Variants in SNX29 observed in about 807,000 individuals in gnomAD.
SNX29 encodes sorting nexin-29.
A neutral mutation model predicts 102.1 loss-of-function variants in SNX29; 78 were observed. The ratio of observed to expected loss-of-function variants is 0.76; its 90% CI spans 0.64 to 0.92. The LOEUF (loss-of-function observed/expected upper bound fraction) is 0.92, where lower values mean the gene tolerates loss of function less well. SNX29 is among the 40% of genes least tolerant of loss of function. SNX29 has a pLI of 0.00. For missense variants in SNX29, 1,280 were observed against 1,061.7 expected (o/e 1.21, Z -2.86); for synonymous variants, 580 against 414.5 (o/e 1.40, Z -4.85).
chr16:12,220,634 C>T (rs903301695), intron 14 of SNX29, among the ~76,000 whole-genome samples: 2 of 152,120 alleles, frequency 1.3e-5, no homozygotes, highest in Non-Finnish European at 2.9e-5. Flanking sequence ...CTGGATTCTG[C>T]CTTTAAAGGG....
intron 16 of SNX29, 39 bp downstream of exon 16, chr16:12,356,318 T>C (rs1196476318): frequency 1.3e-6 from 2 of 1,531,772 alleles, no homozygotes; most frequent in Middle Eastern, 2.0e-4. Flanking sequence ...GTCAAGCCTC[T>C]GCTGCCCACA....
At chr16:12,561,295 C>G (rs1300951453) in intron 20 of SNX29, 4 of 230,790 alleles carry the variant, frequency 1.7e-5, no homozygotes, top group African/African-American at 8.9e-5. Flanking sequence ...GAACATTCTC[C>G]ATGATCTTCA....
chr16:12,016,237 C>T (rs1371294697), intron 3 of SNX29, among the ~76,000 whole-genome samples: 2 of 152,272 alleles, frequency 1.3e-5, no homozygotes, highest in Non-Finnish European at 2.9e-5. Context: ...CTGTGGAATA[C>T]TGACTTTGTT....
chr16:12,227,236 C>T (rs555264253), intron 14 of SNX29, among the ~76,000 whole-genome samples: 24 of 152,156 alleles, frequency 1.6e-4, no homozygotes, highest in Non-Finnish European at 2.6e-4. Context: ...CTGAATGTTC[C>T]GATCATGACC....
At chr16:12,166,004 T>C (rs1415706190) in intron 13 of SNX29, among the ~76,000 whole-genome samples, 1 of 152,238 alleles carries the variant, frequency 6.6e-6, no homozygotes, top group East Asian at 1.9e-4. Flanking sequence ...TGTCGAGAGT[T>C]GTTTGAAGTC....
chr16:12,320,564 T>C (rs974053174), intron 15 of SNX29, among the ~76,000 whole-genome samples: 1 of 152,196 alleles, frequency 6.6e-6, no homozygotes, highest in African/African-American at 2.4e-5. Flanking sequence ...AGATTAACCA[T>C]GTGTGTGTTT....
intron 15 of SNX29, among the ~76,000 whole-genome samples, chr16:12,282,912 C>T (rs1406600457): frequency 6.6e-6 from 1 of 152,196 alleles, no homozygotes; most frequent in East Asian, 1.9e-4. Flanking sequence ...CTGCCTTGGC[C>T]TCTCAAAGTG....
chr16:12,130,812 G>A (rs923916031), intron 13 of SNX29, among the ~76,000 whole-genome samples: 4 of 151,920 alleles, frequency 2.6e-5, no homozygotes, highest in South Asian at 2.1e-4. Flanking sequence ...GATTGCTCTC[G>A]TTGGTCTGCG....
At chr16:12,540,722 A>AAG (rs1360814557) in intron 20 of SNX29, among the ~76,000 whole-genome samples, 2 of 152,168 alleles carry the variant, frequency 1.3e-5, no homozygotes, top group African/African-American at 4.8e-5. Flanking sequence ...TCCAGGGATG[A>AAG]AGAGCTGGGC....
rs143112515 is a variant in SNX29, at chr16:12,558,165, G to A, written c.2319-10341G>A. 2.9e-3 allele frequency among the ~76,000 whole-genome samples: 448 copies of A among 152,276 alleles called. 2 individuals are homozygous for A. Among genetic ancestry groups the A allele is most frequent in the African/African-American group, 9.8e-3 (407 of 41,560 alleles). On this transcript the variant is annotated intron_variant, in intron 20 of 20. Transcript: ENST00000566228. Reference sequence around the variant, plus strand: ...CCTTTCCATCCTTAGCAAGTTAGGCGTAATGCATCTCAGTTTTTAATAATT... The same window carrying A: ...CCTTTCCATCCTTAGCAAGTTAGGCATAATGCATCTCAGTTTTTAATAATT...
intron 20 of SNX29, among the ~76,000 whole-genome samples, chr16:12,537,227 G>C (rs2077116688): frequency 6.6e-6 from 1 of 152,150 alleles, no homozygotes; most frequent in South Asian, 2.1e-4. Context: ...CAGACTGCAA[G>C]GTGCCAGGCA....
chr16:12,402,837 G>A (rs555799137), intron 17 of SNX29, among the ~76,000 whole-genome samples: 26 of 152,268 alleles, frequency 1.7e-4, no homozygotes, highest in African/African-American at 5.8e-4. Flanking sequence ...AGAGGTATTT[G>A]TACCCATCAG....
chr16:12,568,790 C>G lies in SNX29; in HGVS notation c.*161C>G. 1 of 1,155,568 alleles carries G rather than the reference C, an allele frequency of 8.7e-7. No homozygotes were observed. Among genetic ancestry groups the G allele is most frequent in the Non-Finnish European group, 1.2e-6 (1 of 840,118 alleles). 71.6% of individuals were successfully genotyped at this position (1,155,568 alleles called of 1,614,324 possible). On this transcript the variant is annotated 3_prime_UTR_variant, in exon 21 of 21. Transcript: ENST00000566228. ...TACACAACACCCCGATTAAACTAAT[C>G]AGTCTTCGAGCCGCATGATACCGTG... is the stretch of plus-strand genomic sequence containing the variant.
At chr16:12,140,231 A>G (rs965803683) in intron 13 of SNX29, among the ~76,000 whole-genome samples, 2 of 152,124 alleles carry the variant, frequency 1.3e-5, no homozygotes, top group Non-Finnish European at 2.9e-5. Context: ...CTTCATTCTT[A>G]GGTAACTCTT....
At chr16:12,112,516 A>C (rs1360945395) in intron 11 of SNX29, among the ~76,000 whole-genome samples, 1 of 152,210 alleles carries the variant, frequency 6.6e-6, no homozygotes, top group Non-Finnish European at 1.5e-5. Flanking sequence ...AGGGAAACGC[A>C]GAAGGCATGG....
At chr16:12,126,476 G>C (rs1023054185) in intron 11 of SNX29, among the ~76,000 whole-genome samples, 157 bp from the exon 12 acceptor site, 1 of 152,242 alleles carries the variant, frequency 6.6e-6, no homozygotes, top group Admixed American at 6.5e-5. Flanking sequence ...ACCCTGATCA[G>C]CCGAGTCTCT....
chr16:12,564,580 G>GC, intron 20 of SNX29, among the ~76,000 whole-genome samples: 1 of 152,206 alleles, frequency 6.6e-6, no homozygotes, highest in Middle Eastern at 3.4e-3. Context: ...CCATCCAGAC[G>GC]CCCCTTTTTC....
chr16:12,388,113 G>A (rs1010627015), intron 16 of SNX29, among the ~76,000 whole-genome samples: 4 of 152,204 alleles, frequency 2.6e-5, no homozygotes, highest in South Asian at 4.1e-4. Flanking sequence ...CCTTTTGCAC[G>A]TGCCGAGCTT....
In SNX29 at chr16:12,254,421, G is replaced by A. The variant is rs1298355760; in HGVS notation, c.1679-23512G>A. Among the ~76,000 whole-genome samples the A allele has an allele frequency of 2.6e-5, 4 of 152,094 alleles. No homozygotes were observed. In the South Asian group the frequency reaches 6.2e-4, roughly 24 times the overall value. ...ATGCAGCACTTTGGGAGGCCAAGGCGGGCAGATCACTTGGGGTCAGGAGTT... is the reference window on the plus strand; with the variant it reads ...ATGCAGCACTTTGGGAGGCCAAGGCAGGCAGATCACTTGGGGTCAGGAGTT... On this transcript the variant is annotated intron_variant, in intron 14 of 20. Coordinates refer to ENST00000566228, the MANE Select transcript of SNX29 (RefSeq NM_032167.5).
Sources: gnomAD v4.1 joint callset for allele counts (sites outside exome capture counted in the v4.1 genomes callset) on GRCh38, gnomAD v4.1.1 for gene constraint, MANE v1.5 for transcripts, NCBI Gene and HGNC (gene_info 2026-07-23, HGNC 2026-07-21) for gene names.